The following ZNF804B variants were observed in gnomAD, a reference collection of about 807,000 sequenced individuals.
ZNF804B encodes the protein zinc finger 804B.
Under a neutral mutation model 101.4 loss-of-function variants are expected in ZNF804B, and 80 were observed. The ratio of observed to expected loss-of-function variants is 0.79; its 90% confidence interval spans 0.66 to 0.95. ZNF804B has a LOEUF of 0.95. Ranked by LOEUF, ZNF804B falls within the 40% of genes least tolerant of loss-of-function variation. The pLI, the probability that ZNF804B is intolerant of heterozygous loss-of-function variation, is 0.00. For synonymous variants in ZNF804B, 622 were observed against 558.8 expected (o/e 1.11, Z -1.59); for missense variants, 1,673 against 1,561.9 (o/e 1.07, Z -1.20).
chr7:89,139,116 AT>A lies in ZNF804B; in HGVS notation c.109-79030del, dbSNP rs909407132. On this transcript the variant is annotated intron_variant, in intron 1 of 3. Transcript: ENST00000333190. ...ATTTTGCAATACAGTGAGTCAAGGA[AT>A]TTTTTTTTGTTCTCTCATGCATATA... Among the ~76,000 whole-genome samples the A allele has an allele frequency of 7.9e-4, 120 of 151,700 alleles. 1 individual carries two copies. The highest frequency in any genetic ancestry group is 3.4e-4 in the African/African-American group (14 of 41,400).
chr7:89,107,788 G>A (rs868621789), intron 1 of ZNF804B, among the ~76,000 whole-genome samples: 1 of 152,098 alleles, frequency 6.6e-6, no homozygotes, highest in Middle Eastern at 3.2e-3. Context: ...AAAAGAACAA[G>A]CTTAGAGAGC....
chr7:89,076,575 C>T (rs1789617867), intron 1 of ZNF804B, among the ~76,000 whole-genome samples: 1 of 152,088 alleles, frequency 6.6e-6, no homozygotes, highest in Admixed American at 6.6e-5. Flanking sequence ...AAGAACCTCT[C>T]TTATGTACAT....
intron 1 of ZNF804B, among the ~76,000 whole-genome samples, chr7:89,037,311 G>C (rs2027977): frequency 1.3e-5 from 2 of 151,684 alleles, no homozygotes; most frequent in Admixed American, 1.3e-4. Flanking sequence ...TAGCATAATT[G>C]CTGCTTTTAG....
At chr7:89,018,908 T>C (rs954882638) in intron 1 of ZNF804B, among the ~76,000 whole-genome samples, 19 of 152,170 alleles carry the variant, frequency 1.2e-4, no homozygotes, top group African/African-American at 4.3e-4. Context: ...TAATGGTTTA[T>C]TGAATTTGTT....
intron 2 of ZNF804B, among the ~76,000 whole-genome samples, chr7:89,287,369 G>A (rs543090208): frequency 1.3e-5 from 2 of 152,144 alleles, no homozygotes; most frequent in Middle Eastern, 6.8e-3. Context: ...AGAGCTCAAG[G>A]CTATTGTCTT....
rs192775564 is a variant in ZNF804B at position 88,769,765 on chromosome 7, G to A, written c.108+9681G>A. Among the ~76,000 whole-genome samples, 282 of 152,284 alleles carry A rather than the reference G, an allele frequency of 1.9e-3. 2 individuals carry two copies. Among genetic ancestry groups the A allele is most frequent in the African/African-American group, 6.6e-3 (273 of 41,556 alleles). On this transcript the variant is annotated intron_variant, in intron 1 of 3. Transcript: ENST00000333190. Reference sequence around the variant, plus strand: ...CAACATCCTGGAAAAGCCACAGTGTGGTTGTATCATAATTGTTAAGAATCT... The same window carrying A: ...CAACATCCTGGAAAAGCCACAGTGTAGTTGTATCATAATTGTTAAGAATCT...
At chr7:88,786,469 A>G (rs543124593) in intron 1 of ZNF804B, among the ~76,000 whole-genome samples, 1 of 152,088 alleles carries the variant, frequency 6.6e-6, no homozygotes, top group South Asian at 2.1e-4. Context: ...CAGATATAAG[A>G]TTAAGGGGAG....
intron 1 of ZNF804B, among the ~76,000 whole-genome samples, chr7:88,947,371 T>C (rs1793151790): frequency 6.6e-6 from 1 of 151,904 alleles, no homozygotes. Flanking sequence ...TGCAGGGACA[T>C]GGATGAAGCT....
At chr7:88,997,542 A>G (rs1788218696) in intron 1 of ZNF804B, among the ~76,000 whole-genome samples, 2 of 152,088 alleles carry the variant, frequency 1.3e-5, no homozygotes, top group African/African-American at 2.4e-5. Context: ...TTAAGTGCCT[A>G]CATGTGGCAT....
In ZNF804B at chr7:89,208,213, C is replaced by G. The variant is rs533234922; in HGVS notation, c.109-9942C>G. On this transcript the variant is annotated intron_variant, in intron 1 of 3. Coordinates refer to ENST00000333190, the MANE Select transcript of ZNF804B (RefSeq NM_181646.5). ...TCTCCTGCCTCAGCCTCCCGAGTAG[C>G]TGGGACTACAGGTGCCAGCCACCAC... 1.2e-4 allele frequency among the ~76,000 whole-genome samples: 18 copies of G among 151,940 alleles called. No individual in the cohort carries two copies. The East Asian group carries it at 3.3e-3, about 28-fold the overall frequency.
At chr7:89,266,877 TTG>T (rs66604616) in intron 2 of ZNF804B, among the ~76,000 whole-genome samples, 2 of 150,870 alleles carry the variant, frequency 1.3e-5, no homozygotes, top group South Asian at 4.2e-4. Flanking sequence ...GTGTCTGTGT[TTG>T]TGTGTGTGTG....
intron 1 of ZNF804B, among the ~76,000 whole-genome samples, chr7:88,771,738 T>G (rs1397500787): frequency 2.0e-5 from 3 of 152,164 alleles, no homozygotes; most frequent in Non-Finnish European, 4.4e-5. Flanking sequence ...AGGATTTCAT[T>G]ATCTTTTCCT....
chr7:89,272,431 C>T (rs1185136545), intron 2 of ZNF804B, among the ~76,000 whole-genome samples: 1 of 152,122 alleles, frequency 6.6e-6, no homozygotes, highest in Non-Finnish European at 1.5e-5. Flanking sequence ...CTTAATTAGC[C>T]TAACGTAGTG....
chr7:89,209,684 T>C (rs902608954), intron 1 of ZNF804B, among the ~76,000 whole-genome samples: 1 of 152,234 alleles, frequency 6.6e-6, no homozygotes, highest in African/African-American at 2.4e-5. Context: ...CTCCGTGATA[T>C]GAATTGTGTT....
chr7:89,286,674 G>T (rs894147630), intron 2 of ZNF804B, among the ~76,000 whole-genome samples: 15 of 152,184 alleles, frequency 9.9e-5, no homozygotes, highest in Admixed American at 3.9e-4. Flanking sequence ...CAATGAGGAA[G>T]AAGACATAGA....
At chr7:88,933,830 A>G (rs1792926241) in intron 1 of ZNF804B, among the ~76,000 whole-genome samples, 1 of 151,960 alleles carries the variant, frequency 6.6e-6, no homozygotes, top group African/African-American at 2.4e-5. Flanking sequence ...GAAAATGACC[A>G]TACTGCCAAA....
intron 1 of ZNF804B, among the ~76,000 whole-genome samples, chr7:89,106,228 A>C (rs1790134771): frequency 1.3e-5 from 2 of 152,180 alleles, no homozygotes; most frequent in African/African-American, 2.4e-5. Context: ...GAAAATTTCA[A>C]AGATTTGTGA....
chr7:89,173,906 T>C (rs1280578169), intron 1 of ZNF804B, among the ~76,000 whole-genome samples: 1 of 152,108 alleles, frequency 6.6e-6, no homozygotes, highest in Admixed American at 6.5e-5. Flanking sequence ...ATTCTATTTA[T>C]CTTTTTTAAT....
intron 1 of ZNF804B, among the ~76,000 whole-genome samples, chr7:88,798,230 C>A (rs1790521807): frequency 6.6e-6 from 1 of 152,064 alleles, no homozygotes; most frequent in Admixed American, 6.6e-5. Context: ...GTCATCTTTT[C>A]TCACCATGTG....
Sources: gnomAD v4.1 joint callset for allele counts (sites outside exome capture counted in the v4.1 genomes callset) on GRCh38, gnomAD v4.1.1 for gene constraint, MANE v1.5 for transcripts, NCBI Gene and HGNC (gene_info 2026-07-23, HGNC 2026-07-21) for gene names.